Variants in SPON1 observed in about 807,000 individuals in gnomAD.
SPON1 encodes the protein spondin-1.
SPON1 carries 52 observed loss-of-function variants against 111.7 expected under a neutral mutation model. The observed-to-expected ratio is 0.47, with a 90% CI of 0.37 to 0.59. The LOEUF (loss-of-function observed/expected upper bound fraction) is 0.59. Among genes scored for constraint, SPON1 ranks in the 20% least tolerant of loss-of-function variants. SPON1 has a pLI of 0.00. For missense variants in SPON1, 957 were observed against 1,068.5 expected (o/e 0.90, Z 1.46); for synonymous variants, 410 against 395.8 (o/e 1.04, Z -0.43).
intron 5 of SPON1, among the ~76,000 whole-genome samples, chr11:14,086,423 G>T (rs1849007063): frequency 6.6e-6 from 1 of 152,130 alleles, no homozygotes; most frequent in Non-Finnish European, 1.5e-5. Context: ...TTTGTCATTG[G>T]TTCTGTTTAT....
At chr11:14,128,148 A>C (rs1554927199) in intron 5 of SPON1, among the ~76,000 whole-genome samples, 3 of 152,116 alleles carry the variant, frequency 2.0e-5, no homozygotes, top group Non-Finnish European at 4.4e-5. Context: ...AAACACAATC[A>C]TGCCTTCCCA....
At position 14,238,441 on chromosome 11, in the gene SPON1, C is replaced by T. The variant is rs868968147; in HGVS notation, c.826-4891C>T. Among the ~76,000 whole-genome samples the T allele has an allele frequency of 2.6e-5, 4 of 152,194 alleles. 1 individual carries two copies. The highest frequency in any genetic ancestry group is 4.1e-4 in the South Asian group (2 of 4,824). On this transcript the variant is annotated intron_variant, in intron 6 of 15. Coordinates refer to ENST00000576479, the MANE Select transcript of SPON1 (RefSeq NM_006108.4). ...AGACTCTGGCCTTCTGCTGTGGGCA[C>T]AGCTGGGATGTGTGGAGCTCTTCCT...
At position 14,266,440 on chromosome 11, in the gene SPON1, G is replaced by T. The variant is rs1320448811; in HGVS notation, c.*753G>T. ...CCCTTGCTTTTGGGGGTTCAGAGGA[G>T]TATGTACAATTCTTCTGGGAAGCCA... On this transcript the variant is annotated 3_prime_UTR_variant, in exon 16 of 16. Transcript: ENST00000576479. The T allele has an allele frequency of 2.6e-5, 4 of 152,118 alleles. No individual in the cohort carries two copies. Among genetic ancestry groups the T allele is most frequent in the Admixed American group, 2.6e-4 (4 of 15,282 alleles). The allele number at this position is 152,118 out of a possible 1,614,324, so 9.4% of individuals were successfully genotyped here. A position where few individuals can be genotyped will look rare whatever the true frequency, so the allele number is the denominator to read the frequency against.
chr11:14,063,101 A>C (rs368385568), intron 3 of SPON1, among the ~76,000 whole-genome samples: 5 of 152,100 alleles, frequency 3.3e-5, no homozygotes, highest in Admixed American at 1.3e-4. Context: ...CAACTCCCTC[A>C]TGTCTCCCAG....
At chr11:14,105,421 C>T (rs1009884453) in intron 5 of SPON1, among the ~76,000 whole-genome samples, 3 of 152,116 alleles carry the variant, frequency 2.0e-5, no homozygotes, top group African/African-American at 7.2e-5. Context: ...ACCTATACTA[C>T]CATTGTTTAC....
intron 1 of SPON1, among the ~76,000 whole-genome samples, chr11:13,979,077 C>T (rs959629458): frequency 2.0e-5 from 3 of 152,210 alleles, no homozygotes; most frequent in South Asian, 2.1e-4. Flanking sequence ...TTTATTCTCT[C>T]ATATTTCTGG....
chr11:14,237,496 G>A (rs781983667), intron 6 of SPON1, among the ~76,000 whole-genome samples: 6 of 152,226 alleles, frequency 3.9e-5, no homozygotes, highest in Non-Finnish European at 7.3e-5. Flanking sequence ...ATACACATGC[G>A]TTGGAATCGT....
intron 2 of SPON1, among the ~76,000 whole-genome samples, chr11:13,987,912 T>C (rs1848197900): frequency 6.6e-6 from 1 of 152,238 alleles, no homozygotes; most frequent in Non-Finnish European, 1.5e-5. Context: ...TTGGTCTATA[T>C]ATCTGTTTTG....
chr11:13,989,285 A>G (rs1183619699), intron 2 of SPON1, among the ~76,000 whole-genome samples: 3 of 152,140 alleles, frequency 2.0e-5, no homozygotes, highest in Non-Finnish European at 2.9e-5. Flanking sequence ...GGGAGGGTTT[A>G]TGTGTCCAGG....
chr11:14,014,091 C>G (rs1459609226), intron 2 of SPON1, among the ~76,000 whole-genome samples: 1 of 152,142 alleles, frequency 6.6e-6, no homozygotes, highest in African/African-American at 2.4e-5. Context: ...CCCACATACT[C>G]CCGTCTCTGG....
At chr11:13,974,724 C>T (rs540824835) in intron 1 of SPON1, among the ~76,000 whole-genome samples, 38 of 152,290 alleles carry the variant, frequency 2.5e-4, no homozygotes, top group African/African-American at 8.9e-4. Context: ...CCTGATCTTC[C>T]TAAACCATAA....
chr11:14,203,830 A>G (rs935009388), intron 6 of SPON1, among the ~76,000 whole-genome samples: 2 of 152,222 alleles, frequency 1.3e-5, no homozygotes, highest in South Asian at 2.1e-4. Context: ...AGGATTGAGC[A>G]TGCAGCATCA....
chr11:14,084,016 A>G (rs563027939), intron 5 of SPON1, among the ~76,000 whole-genome samples: 15 of 152,348 alleles, frequency 9.8e-5, no homozygotes, highest in Non-Finnish European at 1.2e-4. Context: ...ACTTCAGTAT[A>G]TAGCAGAAGT....
chr11:14,160,337 C>T (rs1276415921), intron 6 of SPON1, among the ~76,000 whole-genome samples: 21 of 131,008 alleles, frequency 1.6e-4, no homozygotes, highest in Non-Finnish European at 3.3e-4. Flanking sequence ...AGCTACTGAA[C>T]ATTATAGCTC....
At chr11:14,062,450 C>T (rs1390802349) in intron 3 of SPON1, among the ~76,000 whole-genome samples, 1 of 152,200 alleles carries the variant, frequency 6.6e-6, no homozygotes, top group Non-Finnish European at 1.5e-5. Context: ...ACCTTTTCTA[C>T]TGACAACCAG....
chr11:14,013,429 A>T (rs541177641), intron 2 of SPON1, among the ~76,000 whole-genome samples: 1 of 152,284 alleles, frequency 6.6e-6, no homozygotes, highest in African/African-American at 2.4e-5. Flanking sequence ...TCTGAGTAAA[A>T]CTGTCAATTA....
At position 14,266,742 on chromosome 11, in the gene SPON1, G is replaced by A. The variant is rs546527185; in HGVS notation, c.*1055G>A. 37 of 152,192 alleles carry A rather than the reference G, an allele frequency of 2.4e-4. No homozygotes were observed. Among genetic ancestry groups the A allele is most frequent in the African/African-American group, 8.2e-4 (34 of 41,526 alleles). 9.4% of individuals were successfully genotyped at this position (152,192 alleles called of 1,614,324 possible). ...GAAATTTTATATGCAGAGAGAAAAA[G>A]TTACCGAGACAGAAAACAAATCTAA... On this transcript the variant is annotated 3_prime_UTR_variant, in exon 16 of 16. Coordinates refer to ENST00000576479, the MANE Select transcript of SPON1 (RefSeq NM_006108.4).
At chr11:13,991,065 C>T (rs918356581) in intron 2 of SPON1, among the ~76,000 whole-genome samples, 1 of 152,160 alleles carries the variant, frequency 6.6e-6, no homozygotes, top group African/African-American at 2.4e-5. Flanking sequence ...GGTTGCTCTT[C>T]TCGAGGAGTA....
At chr11:14,185,836 T>A (rs1484701505) in intron 6 of SPON1, among the ~76,000 whole-genome samples, 1 of 152,198 alleles carries the variant, frequency 6.6e-6, no homozygotes, top group East Asian at 1.9e-4. Flanking sequence ...TCAGAACTGA[T>A]CAGAACATTG....
Sources: gnomAD v4.1 joint callset for allele counts (sites outside exome capture counted in the v4.1 genomes callset) on GRCh38, gnomAD v4.1.1 for gene constraint, MANE v1.5 for transcripts, NCBI Gene and HGNC (gene_info 2026-07-23, HGNC 2026-07-21) for gene names.